Variants in FNIP1 observed in about 807,000 individuals in gnomAD.
FNIP1 encodes the protein folliculin-interacting protein 1.
FNIP1 carries 40 observed loss-of-function variants against 124.5 expected under a neutral mutation model. The observed-to-expected ratio is 0.32, with a 90% CI of 0.25 to 0.42. FNIP1 has a LOEUF of 0.42. Ranked by LOEUF, FNIP1 falls within the 10% of genes least tolerant of loss-of-function variation. The pLI, the probability that FNIP1 is intolerant of heterozygous loss-of-function variation, is 1.00. For missense variants in FNIP1, 1,176 were observed against 1,403.7 expected (o/e 0.84, Z 2.59); for synonymous variants, 472 against 470.6 (o/e 1.00, Z -0.04).
chr5:131,701,628 T>C (rs570355791), intron 10 of FNIP1, among the ~76,000 whole-genome samples: 77 of 152,354 alleles, frequency 5.1e-4, no homozygotes, highest in South Asian at 1.2e-3. Flanking sequence ...CTAACATCTA[T>C]GTCTTCTCTA....
intron 11 of FNIP1, among the ~76,000 whole-genome samples, chr5:131,687,196 C>T (rs531913440): frequency 1.1e-4 from 17 of 151,218 alleles, no homozygotes; most frequent in Non-Finnish European, 2.1e-4. Flanking sequence ...ACCTCTGAAT[C>T]CCAGGTTCAA....
chr5:131,744,428 C>G, intron 2 of FNIP1, 136 bp downstream of exon 2: 1 of 814,466 alleles, frequency 1.2e-6, no homozygotes, highest in Non-Finnish European at 1.8e-6. Flanking sequence ...GTTAGATTCA[C>G]CAAACATTTC....
chr5:131,794,566 T>A (rs962539267), intron 1 of FNIP1, among the ~76,000 whole-genome samples: 2 of 152,080 alleles, frequency 1.3e-5, no homozygotes, highest in African/African-American at 4.8e-5. Flanking sequence ...GGGGAAAAAA[T>A]ATGTCCTCCA....
intron 2 of FNIP1, among the ~76,000 whole-genome samples, chr5:131,735,505 T>C (rs1770263739): frequency 6.7e-6 from 1 of 148,226 alleles, no homozygotes; most frequent in Non-Finnish European, 1.5e-5. Context: ...GTATAAAATA[T>C]GTATATATAC....
At chr5:131,781,288 A>C (rs1771988415) in intron 1 of FNIP1, among the ~76,000 whole-genome samples, 1 of 152,240 alleles carries the variant, frequency 6.6e-6, no homozygotes, top group Admixed American at 6.5e-5. Context: ...ATTACCCAGA[A>C]GATCTAGCGA....
chr5:131,648,751 A>G (rs1007708585), intron 16 of FNIP1, among the ~76,000 whole-genome samples: 3 of 152,194 alleles, frequency 2.0e-5, no homozygotes, highest in Admixed American at 2.0e-4. Context: ...TATCATCTCA[A>G]AAACTCTGTG....
At chr5:131,733,349 C>G (rs571603980) in intron 2 of FNIP1, among the ~76,000 whole-genome samples, 191 of 152,238 alleles carry the variant, frequency 1.3e-3, no homozygotes, top group African/African-American at 4.3e-3. Context: ...GCCCTGGCCA[C>G]AACTTCCAAC....
Position 131,726,920 on chromosome 5 carries a change from C to T in FNIP1, c.354+3984G>A, listed in dbSNP as rs183743481. Among the ~76,000 whole-genome samples, 93 of 152,220 alleles carry T rather than the reference C, an allele frequency of 6.1e-4. 1 individual carries two copies. Among genetic ancestry groups the T allele is most frequent in the Non-Finnish European group, 1.2e-3 (80 of 68,010 alleles). ...GTTTGTTATTTACCCAGTAGTCATT[C>T]CGGAGCAGGTTGTTCAGTTTCTAAG... On this transcript the variant is annotated intron_variant, in intron 3 of 17. Coordinates refer to ENST00000510461, the MANE Select transcript of FNIP1 (RefSeq NM_133372.3).
intron 1 of FNIP1, among the ~76,000 whole-genome samples, chr5:131,791,035 G>A (rs578243233): frequency 6.6e-6 from 1 of 152,268 alleles, no homozygotes; most frequent in South Asian, 2.1e-4. Flanking sequence ...AATTTGACAG[G>A]AGTGGATTAA....
intron 1 of FNIP1, among the ~76,000 whole-genome samples, chr5:131,744,963 CTT>C (rs548856044): frequency 1.7e-3 from 263 of 151,352 alleles, no homozygotes; most frequent in Middle Eastern, 0.014. Flanking sequence ...AAAGCATTAA[CTT>C]AATAAATATA....
chr5:131,701,091 C>CAAAATGCTGGGG (rs1324509323), intron 10 of FNIP1, among the ~76,000 whole-genome samples: 1 of 152,174 alleles, frequency 6.6e-6, no homozygotes. Context: ...TGAGCGCTAC[C>CAAAATGCTGGGG]TCCTGTCACA....
intron 10 of FNIP1, among the ~76,000 whole-genome samples, chr5:131,702,739 G>A (rs546192660): frequency 6.0e-4 from 91 of 152,022 alleles, no homozygotes; most frequent in African/African-American, 1.7e-3. Context: ...TATTTGTATC[G>A]TATATACTAT....
At chr5:131,734,135 C>T (rs1363900454) in intron 2 of FNIP1, among the ~76,000 whole-genome samples, 2 of 152,150 alleles carry the variant, frequency 1.3e-5, no homozygotes, top group African/African-American at 2.4e-5. Flanking sequence ...TTATAGTATG[C>T]TCTGATGGTA....
intron 1 of FNIP1, among the ~76,000 whole-genome samples, chr5:131,767,261 G>A (rs1771458905): frequency 6.6e-6 from 1 of 151,542 alleles, no homozygotes; most frequent in African/African-American, 2.4e-5. Context: ...GTGAAACCCT[G>A]TCTCTACTAA....
chr5:131,701,996 A>G (rs546507154), intron 10 of FNIP1, among the ~76,000 whole-genome samples: 41 of 152,346 alleles, frequency 2.7e-4, no homozygotes, highest in Admixed American at 1.2e-3. Flanking sequence ...TATCAGCTCA[A>G]CTTCTGGGAA....
chr5:131,662,733 A>ATTTTTTTT (rs34051607), intron 15 of FNIP1, among the ~76,000 whole-genome samples: 5 of 76,976 alleles, frequency 6.5e-5, no homozygotes, highest in African/African-American at 1.1e-4. Flanking sequence ...GATATTCTAG[A>ATTTTTTTT]TTTTTTTTTT....
chr5:131,758,975 A>G (rs1461504934), intron 1 of FNIP1, among the ~76,000 whole-genome samples: 1 of 152,146 alleles, frequency 6.6e-6, no homozygotes, highest in Non-Finnish European at 1.5e-5. Flanking sequence ...TGTGGTGTTA[A>G]AATTTCATGG....
Position 131,706,393 on chromosome 5 carries a change from T to C in FNIP1, c.914+18A>G. On this transcript the variant is annotated intron_variant, in intron 9 of 17. Coordinates refer to ENST00000510461, the MANE Select transcript of FNIP1 (RefSeq NM_133372.3). ...AGGAACTACTCAATCTTGTTCTGTGTTTAAAGTTCCAACTTACCATCTAGG... is the reference window on the plus strand; with the variant it reads ...AGGAACTACTCAATCTTGTTCTGTGCTTAAAGTTCCAACTTACCATCTAGG... 6.2e-7 allele frequency: 1 copy of C among 1,601,922 alleles called. No individual in the cohort carries two copies. The highest frequency in any genetic ancestry group is 1.3e-5 in the African/African-American group (1 of 74,668).
At chr5:131,764,283 C>A (rs2149573798) in intron 1 of FNIP1, among the ~76,000 whole-genome samples, 1 of 150,876 alleles carries the variant, frequency 6.6e-6, no homozygotes, top group South Asian at 2.1e-4. Context: ...TTCTTTATAG[C>A]AATACAAGAA....
Sources: allele counts gnomAD v4.1 joint callset (sites outside exome capture counted in the v4.1 genomes callset), GRCh38; gene constraint gnomAD v4.1.1; transcripts MANE v1.5; gene names NCBI Gene and HGNC (gene_info 2026-07-23, HGNC 2026-07-21).